TNR: variants seen among roughly 807,000 people sequenced by gnomAD.
TNR encodes the protein tenascin R.
TNR carries 45 observed loss-of-function variants against 150.4 expected under a neutral mutation model. The observed-to-expected ratio is 0.30, with a 90% CI of 0.24 to 0.38. The LOEUF is 0.38. TNR is among the 10% of genes least tolerant of loss of function. TNR has a pLI of 1.00. For synonymous variants in TNR, 687 were observed against 678.4 expected (o/e 1.01, Z -0.20); for missense variants, 1,544 against 1,759.1 (o/e 0.88, Z 2.19).
At chr1:175,636,467 A>T (rs59093109) in intron 1 of TNR, among the ~76,000 whole-genome samples, 1 of 151,920 alleles carries the variant, frequency 6.6e-6, no homozygotes, top group African/African-American at 2.4e-5. Flanking sequence ...GAAGCCCCTG[A>T]CATCCATGCC....
intron 5 of TNR, among the ~76,000 whole-genome samples, chr1:175,394,965 C>T (rs778892608): frequency 5.3e-5 from 8 of 152,070 alleles, no homozygotes; most frequent in East Asian, 1.9e-4. Flanking sequence ...TGACTCATCC[C>T]GGAGCAAGGT....
intron 1 of TNR, among the ~76,000 whole-genome samples, chr1:175,578,832 T>C (rs1483132603): frequency 6.6e-6 from 1 of 152,228 alleles, no homozygotes; most frequent in African/African-American, 2.4e-5. Flanking sequence ...GGAGTACTTC[T>C]GTGGGTTCTG....
At chr1:175,684,712 G>GA (rs1454939520) in intron 1 of TNR, among the ~76,000 whole-genome samples, 1 of 152,186 alleles carries the variant, frequency 6.6e-6, no homozygotes, top group Non-Finnish European at 1.5e-5. Context: ...AATGCTCCAT[G>GA]AAAAAGAGTG....
At chr1:175,702,398 A>C (rs906343801) in intron 1 of TNR, among the ~76,000 whole-genome samples, 3 of 152,196 alleles carry the variant, frequency 2.0e-5, no homozygotes, top group African/African-American at 4.8e-5. Flanking sequence ...GAGTCCCAGA[A>C]ACATTGATTT....
At chr1:175,453,321 G>A (rs979819977) in intron 2 of TNR, among the ~76,000 whole-genome samples, 1 of 152,034 alleles carries the variant, frequency 6.6e-6, no homozygotes, top group Admixed American at 6.5e-5. Context: ...TGCTGAGCCA[G>A]GTGTGAGGGC....
chr1:175,450,822 C>T (rs1044190507), intron 2 of TNR, among the ~76,000 whole-genome samples: 7 of 152,180 alleles, frequency 4.6e-5, no homozygotes, highest in African/African-American at 1.7e-4. Context: ...AAACCATCTG[C>T]AGCACTGGGG....
intron 2 of TNR, among the ~76,000 whole-genome samples, chr1:175,519,791 T>C (rs1659562174): frequency 6.6e-6 from 1 of 152,220 alleles, no homozygotes; most frequent in Admixed American, 6.5e-5. Context: ...CATGCTTTCA[T>C]CATTGCACAA....
intron 2 of TNR, among the ~76,000 whole-genome samples, chr1:175,500,759 C>T (rs188825427): frequency 1.5e-3 from 222 of 152,310 alleles, no homozygotes; most frequent in African/African-American, 5.1e-3. Flanking sequence ...AGGGAAGTCT[C>T]CCTGTTCAAA....
intron 18 of TNR, among the ~76,000 whole-genome samples, chr1:175,344,335 G>GT (rs1474836560): frequency 1.3e-5 from 2 of 152,138 alleles, no homozygotes; most frequent in African/African-American, 2.4e-5. Context: ...GGGAGATGGG[G>GT]TTTTTTCTTT....
chr1:175,561,292 C>T (rs1474129955), intron 1 of TNR, among the ~76,000 whole-genome samples: 1 of 152,198 alleles, frequency 6.6e-6, no homozygotes, highest in Non-Finnish European at 1.5e-5. Flanking sequence ...CCTCATTTCT[C>T]TCCTATCTCT....
chr1:175,380,990 G>A (rs1652648733), intron 8 of TNR, among the ~76,000 whole-genome samples: 1 of 152,242 alleles, frequency 6.6e-6, no homozygotes, highest in Non-Finnish European at 1.5e-5. Context: ...TTTGGAGTGA[G>A]AAGTGTTCTG....
intron 1 of TNR, among the ~76,000 whole-genome samples, chr1:175,582,486 G>T (rs1228954185): frequency 6.6e-6 from 1 of 152,202 alleles, no homozygotes; most frequent in Admixed American, 6.5e-5. Context: ...AGACTTGAGA[G>T]AAAATCCTGA....
At chr1:175,445,611 A>G (rs1368903020) in intron 2 of TNR, among the ~76,000 whole-genome samples, 1 of 152,234 alleles carries the variant, frequency 6.6e-6, no homozygotes, top group Non-Finnish European at 1.5e-5. Flanking sequence ...CAGATGGATA[A>G]TAACATTTAG....
intron 1 of TNR, among the ~76,000 whole-genome samples, chr1:175,659,402 A>C (rs1408726608): frequency 6.6e-6 from 1 of 152,338 alleles, no homozygotes. Flanking sequence ...TGTGTGTGCC[A>C]GCCAGGATGG....
intron 9 of TNR, among the ~76,000 whole-genome samples, chr1:175,375,176 TG>T (rs535252746): frequency 0.023 from 1,393 of 60,564 alleles, 25 homozygotes; most frequent in African/African-American, 0.069. Flanking sequence ...AATGATTTGT[TG>T]TTTTTTTTTT....
intron 1 of TNR, among the ~76,000 whole-genome samples, chr1:175,572,585 T>A (rs1661923100): frequency 6.6e-6 from 1 of 152,098 alleles, no homozygotes; most frequent in South Asian, 2.1e-4. Context: ...TCTGTGGTGT[T>A]TGTGTTTAGT....
intron 1 of TNR, among the ~76,000 whole-genome samples, chr1:175,553,655 T>G (rs1661031303): frequency 6.6e-6 from 1 of 152,090 alleles, no homozygotes; most frequent in African/African-American, 2.4e-5. Context: ...CATTTTTAAT[T>G]CAGAAAGAAA....
chr1:175,387,131 T>A (rs1652977460), intron 7 of TNR, among the ~76,000 whole-genome samples: 2 of 152,164 alleles, frequency 1.3e-5, no homozygotes, highest in South Asian at 2.1e-4. Flanking sequence ...CAGCACCCAC[T>A]TGAGGTTCTG....
chr1:175,395,506 A>G (rs1473583832), intron 5 of TNR, among the ~76,000 whole-genome samples: 1 of 152,062 alleles, frequency 6.6e-6, no homozygotes, highest in African/African-American at 2.4e-5. Context: ...CTCATACCTC[A>G]TCTCCTTTGA....
Sources: gnomAD v4.1 joint callset for allele counts (sites outside exome capture counted in the v4.1 genomes callset) on GRCh38, gnomAD v4.1.1 for gene constraint, MANE v1.5 for transcripts, NCBI Gene and HGNC (gene_info 2026-07-23, HGNC 2026-07-21) for gene names.